Variants in NELFB observed in about 807,000 individuals in gnomAD.
NELFB encodes negative elongation factor complex member B, also known as negative elongation factor B.
In NELFB, 34 loss-of-function variants were observed where a neutral mutation model predicts 60.2. The ratio of observed to expected loss-of-function variants is 0.56; its 90% CI spans 0.43 to 0.75. NELFB has a LOEUF of 0.75. Among genes scored for constraint, NELFB ranks in the 30% least tolerant of loss-of-function variants. NELFB has a pLI of 0.00. For missense variants in NELFB, 770 were observed against 831.6 expected, an observed-to-expected ratio of 0.93 and a Z score of 0.91; for synonymous variants, 459 against 382.1, an observed-to-expected ratio of 1.20 and a Z score of -2.35.
intron 3 of NELFB, 75 bp from the exon 4 acceptor site, chr9:137,256,749 G>C (rs1467266889): frequency 7.0e-7 from 1 of 1,425,504 alleles, no homozygotes; most frequent in Non-Finnish European, 9.7e-7. Context: ...CTGCGGGGCT[G>C]AGGCCTCTTG....
In NELFB at chr9:137,266,324, C is replaced by T. The variant is rs1191803600; in HGVS notation, c.1144-7C>T. ...TGGGAGAGGCGCTGAGCCCGTCCTC[C>T]CTACAGGACAGCCCCGACCTCCTGC... is the stretch of plus-strand genomic sequence containing the variant. On this transcript the variant is annotated splice_polypyrimidine_tract_variant and splice_region_variant and intron_variant, in intron 7 of 12. Transcript: ENST00000343053. 3.7e-6 allele frequency: 6 copies of T among 1,611,010 alleles called. No homozygotes were observed. The highest frequency in any genetic ancestry group is 5.1e-6 in the Non-Finnish European group (6 of 1,178,826).
Position 137,272,773 on chromosome 9 carries a change from T to TC in NELFB, c.1741-5dup. The TC allele has an allele frequency of 1.9e-6, 3 of 1,541,556 alleles. 1 individual carries two copies. In the South Asian group the frequency reaches 3.6e-5, roughly 19 times the overall value. ...CGCCTCGCCTGCCCCATGGTGTGGT[T>TC]CCCCGCAGAGCGGAGAGGCAGTGAA... is the stretch of plus-strand genomic sequence containing the variant. On this transcript the variant is annotated splice_polypyrimidine_tract_variant and intron_variant, in intron 12 of 12. Transcript: ENST00000343053.
At position 137,266,495 on chromosome 9, in the gene NELFB, G is replaced by A. The variant is rs1392121130; in HGVS notation, c.1239+69G>A. On this transcript the variant is annotated intron_variant, in intron 8 of 12. Coordinates refer to ENST00000343053, the MANE Select transcript of NELFB (RefSeq NM_015456.5). Reference sequence around the variant, plus strand: ...TGTGGGCTGGAAGTGGGGTGGAGGGGGAGGCGCTAGCAAGGTGATTGTGGA... The same window carrying A: ...TGTGGGCTGGAAGTGGGGTGGAGGGAGAGGCGCTAGCAAGGTGATTGTGGA... 1.2e-5 allele frequency: 16 copies of A among 1,339,858 alleles called. No homozygotes were observed. In the South Asian group the frequency reaches 1.5e-4, roughly 12 times the overall value. The allele number at this position is 1,339,858 out of a possible 1,614,324, so 83.0% of individuals were successfully genotyped here.
rs773180260 is a variant in NELFB at position 137,256,884 on chromosome 9, G to T, written c.571G>T (p.Val191Leu). Residue 191 changes from valine (V) to leucine (L), a missense_variant, in exon 4 of 13, where the codon GTG (valine) becomes TTG (leucine). Transcript: ENST00000343053. ...CAAGGAGCTGTATCGAGCCTGCGCCGTGGAGGTGAAGCGGCAGATCTGGCA... is the reference window on the plus strand; with the variant it reads ...CAAGGAGCTGTATCGAGCCTGCGCCTTGGAGGTGAAGCGGCAGATCTGGCA... 2 of 1,614,098 alleles carry T rather than the reference G, an allele frequency of 1.2e-6. No homozygotes were observed. Among genetic ancestry groups the T allele is most frequent in the African/African-American group, 2.7e-5 (2 of 74,954 alleles).
At chr9:137,260,140 C>T (rs1296974696) in intron 4 of NELFB, among the ~76,000 whole-genome samples, 1 of 151,074 alleles carries the variant, frequency 6.6e-6, no homozygotes, top group Admixed American at 6.6e-5. Flanking sequence ...AGCTCCGCCT[C>T]CCGGGTTCAC....
At chr9:137,255,742 G>C (rs1837540304) in intron 1 of NELFB, 131 bp downstream of exon 1, 1 of 1,431,130 alleles carries the variant, frequency 7.0e-7, no homozygotes, top group Middle Eastern at 2.5e-4. Context: ...TGGGGGTGGA[G>C]TCCGGAGCCA....
chr9:137,271,589 A>AAT (rs1406186032), intron 10 of NELFB, among the ~76,000 whole-genome samples: 30 of 152,198 alleles, frequency 2.0e-4, no homozygotes, highest in Non-Finnish European at 4.3e-4. Flanking sequence ...TTCAGAAAAG[A>AAT]ATGTGGAAGA....
At chr9:137,257,342 TC>T (rs1837571678) in intron 4 of NELFB, among the ~76,000 whole-genome samples, 2 of 152,250 alleles carry the variant, frequency 1.3e-5, no homozygotes, top group Admixed American at 1.3e-4. Flanking sequence ...TTTTTCTTTT[TC>T]TTTGAGACGG....
At position 137,257,068 on chromosome 9, in the gene NELFB, C is replaced by T. The variant is rs769518261; in HGVS notation, c.741+14C>T. The T allele has an allele frequency of 2.5e-6, 4 of 1,604,886 alleles. No homozygotes were observed. The highest frequency in any genetic ancestry group is 3.3e-5 in the Admixed American group (2 of 59,850). On this transcript the variant is annotated intron_variant, in intron 4 of 12. Coordinates refer to ENST00000343053, the MANE Select transcript of NELFB (RefSeq NM_015456.5). ...CGCCAGGGCGAGGTGAGGGGACAGG[C>T]CGTGTGCGGGGTGGGGCACCTCTTG...
chr9:137,255,784 C>A, intron 1 of NELFB, 123 bp from the exon 2 acceptor site: 2 of 1,520,870 alleles, frequency 1.3e-6, no homozygotes, highest in East Asian at 2.3e-5. Flanking sequence ...GGGTGGCTTT[C>A]GGTGGCTGCG....
In NELFB at chr9:137,255,507, G is replaced by T; in HGVS notation, c.142G>T (p.Ala48Ser). The change falls in exon 1 of 13, where the codon GCC becomes TCC. Residue 48 changes from alanine to serine, a missense_variant. Ala to Ser is a moderately conservative substitution (Grantham distance 99). Coordinates refer to ENST00000343053, the MANE Select transcript of NELFB (RefSeq NM_015456.5). ...TAGCCGGGCGGTGGCCGGGGCCTCG[G>T]CCATGTTCGCGGGGCTGCAGGACCT... 1 of 1,535,510 alleles carries T rather than the reference G, an allele frequency of 6.5e-7. No individual in the cohort carries two copies. Among genetic ancestry groups the T allele is most frequent in the Non-Finnish European group, 8.8e-7 (1 of 1,142,130 alleles).
chr9:137,260,329 C>T (rs994709296), intron 4 of NELFB, among the ~76,000 whole-genome samples: 3 of 151,472 alleles, frequency 2.0e-5, no homozygotes, highest in Non-Finnish European at 2.9e-5. Flanking sequence ...GGATTACGGG[C>T]GTGAGCCACT....
chr9:137,256,576 C>G (rs1837555037), intron 3 of NELFB, 148 bp downstream of exon 3: 1 of 798,166 alleles, frequency 1.3e-6, no homozygotes, highest in Non-Finnish European at 2.0e-6. Context: ...GTGCTGACTT[C>G]TCCCACATGA....
At position 137,255,416 on chromosome 9, in the gene NELFB, C is replaced by T. The variant is rs942397524; in HGVS notation, c.51C>T (p.Gly17=). 6.3e-6 allele frequency: 7 copies of T among 1,111,618 alleles called. No individual in the cohort carries two copies. The highest frequency in any genetic ancestry group is 8.3e-6 in the Non-Finnish European group (7 of 844,980). The allele number at this position is 1,111,618 out of a possible 1,614,324, so 68.9% of individuals were successfully genotyped here. The change falls in exon 1 of 13, where the codon GGC becomes GGT. Residue 17 remains glycine, a synonymous_variant. Transcript: ENST00000343053. ...AGCGGGGCTCGGGCGGTCCCCGAGG[C>T]CCGGCGGAGCGGGCTTCTGGGGTGT...
At chr9:137,271,936 G>GA in intron 10 of NELFB, 145 bp from the exon 11 acceptor site, 2 of 1,053,046 alleles carry the variant, frequency 1.9e-6, no homozygotes, top group Non-Finnish European at 2.8e-6. Flanking sequence ...TTCACCTGCT[G>GA]AGACCCTGTG....
chr9:137,267,314 A>G lies in NELFB; in HGVS notation c.1457A>G (p.Lys486Arg). ...CTGCACATCACCAAGCAGAGGAACA[A>G]GAACGCGCTCCTCCGCCTGCTGCCC... The change falls in exon 10 of 13, where the codon AAG becomes AGG. Residue 486 changes from lysine (K) to arginine (R), a missense_variant. Physicochemically the swap from Lys to Arg is conservative, Grantham distance 26. Coordinates refer to ENST00000343053, the MANE Select transcript of NELFB (RefSeq NM_015456.5). 1 of 1,613,270 alleles carries G rather than the reference A, an allele frequency of 6.2e-7. No homozygotes were observed. The highest frequency in any genetic ancestry group is 8.5e-7 in the Non-Finnish European group (1 of 1,179,754).
chr9:137,255,839 G>C, intron 1 of NELFB, 68 bp from the exon 2 acceptor site: 2 of 1,584,386 alleles, frequency 1.3e-6, no homozygotes, highest in Non-Finnish European at 1.7e-6. Context: ...GTGCCTCCCT[G>C]TGCTCTCAGG....
rs369797870 is a variant in NELFB, at chr9:137,264,344, G to A, written c.1027G>A (p.Glu343Lys). Residue 343 changes from glutamate to lysine, a missense_variant, in exon 6 of 13, where the codon GAG becomes AAG. Transcript: ENST00000343053. ...TCTCGATGGCGTCAAGAAGGGCCAG[G>A]AGCAGGTGCTGGGGTGAGGGTCGGC... 3.1e-6 allele frequency: 5 copies of A among 1,591,820 alleles called. No individual in the cohort carries two copies. Among genetic ancestry groups the A allele is most frequent in the Non-Finnish European group, 4.3e-6 (5 of 1,170,976 alleles).
At chr9:137,258,179 A>T (rs1362685213) in intron 4 of NELFB, among the ~76,000 whole-genome samples, 1 of 136,632 alleles carries the variant, frequency 7.3e-6, no homozygotes, top group Admixed American at 8.3e-5. Flanking sequence ...GTTGGAGTAC[A>T]GTGGTGTGAT....
Sources: allele counts gnomAD v4.1 joint callset (sites outside exome capture counted in the v4.1 genomes callset), GRCh38; gene constraint gnomAD v4.1.1; transcripts MANE v1.5; gene names NCBI Gene and HGNC (gene_info 2026-07-23, HGNC 2026-07-21).